SCYL3: variants seen among roughly 807,000 people sequenced by gnomAD.
SCYL3 encodes the protein SCY1 like pseudokinase 3, also known as protein-associating with the carboxyl-terminal domain of ezrin.
A neutral mutation model predicts 73.8 loss-of-function variants in SCYL3; 35 were observed. The observed-to-expected ratio is 0.47, with a 90% CI of 0.36 to 0.63. The LOEUF (loss-of-function observed/expected upper bound fraction) is 0.63, where lower values mean the gene tolerates loss of function less well. SCYL3 is among the 20% of genes least tolerant of loss of function. SCYL3 has a pLI of 0.00. For synonymous variants in SCYL3, 277 were observed against 295.2 expected, an observed-to-expected ratio of 0.94 and a Z score of 0.63; for missense variants, 712 against 798.9, an observed-to-expected ratio of 0.89 and a Z score of 1.31.
rs1205215789 is a variant in SCYL3 at position 169,888,557 on chromosome 1, A to G, written c.165+119T>C. On this transcript the variant is annotated intron_variant, in intron 2 of 12. Coordinates refer to ENST00000367771, the MANE Select transcript of SCYL3 (RefSeq NM_020423.7). ...TAAGAGCAATGTTTTGAAAGGACAT[A>G]AATAAAATACTGGTCCTTATGATCT... 7.9e-6 allele frequency: 6 copies of G among 763,328 alleles called. No individual in the cohort carries two copies. The Admixed American group carries it at 1.7e-4, about 22-fold the overall frequency. The allele number at this position is 763,328 out of a possible 1,614,324, so 47.3% of individuals were successfully genotyped here.
intron 9 of SCYL3, 35 bp from the exon 10 acceptor site, chr1:169,862,832 C>T: frequency 1.9e-6 from 3 of 1,603,200 alleles, no homozygotes; most frequent in Non-Finnish European, 2.6e-6. Flanking sequence ...GATGAAAAAA[C>T]AAATTTTCAT....
In SCYL3 at chr1:169,853,091, T is replaced by A; in HGVS notation, c.*622A>T. 1 of 1,040,316 alleles carries A rather than the reference T, an allele frequency of 9.6e-7. No homozygotes were observed. The highest frequency in any genetic ancestry group is 1.4e-6 in the Non-Finnish European group (1 of 702,142). 64.4% of individuals were successfully genotyped at this position (1,040,316 alleles called of 1,614,324 possible). A position where few individuals can be genotyped will look rare whatever the true frequency, so the allele number is the denominator to read the frequency against. On this transcript the variant is annotated 3_prime_UTR_variant, in exon 13 of 13. Transcript: ENST00000367771. ...AAAACAAATTTTGTAAAGTTGAATCTAGTGAAAATAATCTTTATTTGACAT... is the reference window on the plus strand; with the variant it reads ...AAAACAAATTTTGTAAAGTTGAATCAAGTGAAAATAATCTTTATTTGACAT...
rs552085342 is a variant in SCYL3, at chr1:169,875,332, G to A, written c.465+646C>T. Reference sequence around the variant, plus strand: ...GAAAGAGTGAATGCAGCAGCAACACGCAAAATGTGAAAAGAACACACAAAA... The same window carrying A: ...GAAAGAGTGAATGCAGCAGCAACACACAAAATGTGAAAAGAACACACAAAA... On this transcript the variant is annotated intron_variant, in intron 4 of 12. Coordinates refer to ENST00000367771, the MANE Select transcript of SCYL3 (RefSeq NM_020423.7). Among the ~76,000 whole-genome samples, 11 of 152,208 alleles carry A rather than the reference G, an allele frequency of 7.2e-5. No individual in the cohort carries two copies. The South Asian group carries it at 1.7e-3, about 23-fold the overall frequency.
chr1:169,850,995 T>TTTTG lies in SCYL3; in HGVS notation c.*2717_*2718insCAAA. On this transcript the variant is annotated 3_prime_UTR_variant, in exon 13 of 13. Transcript: ENST00000367771. ...TTAGGCATGGCTTTTTTTTTTTTTT[T>TTTTG]TTTTTTTTTTTATTTGGGCAGCCTC... 1.8e-5 allele frequency: 1 copy of TTTTG among 54,436 alleles called. No homozygotes were observed. Among genetic ancestry groups the TTTTG allele is most frequent in the Admixed American group, 2.0e-4 (1 of 5,040 alleles). 3.4% of individuals were successfully genotyped at this position (54,436 alleles called of 1,614,324 possible). A position where few individuals can be genotyped will look rare whatever the true frequency, so the allele number is the denominator to read the frequency against.
chr1:169,863,268 A>G (rs976187485), intron 9 of SCYL3, among the ~76,000 whole-genome samples: 8 of 152,246 alleles, frequency 5.3e-5, no homozygotes, highest in African/African-American at 1.9e-4. Context: ...CTTGACCGAA[A>G]ATTACTTAAC....
intron 1 of SCYL3, among the ~76,000 whole-genome samples, chr1:169,892,297 C>T (rs74122419): frequency 0.11 from 15,988 of 152,182 alleles, 919 homozygotes; most frequent in African/African-American, 0.15. Flanking sequence ...TGTTCTGTTG[C>T]TGCTGGCCTA....
Position 169,853,492 on chromosome 1 carries a change from T to TTC in SCYL3, c.*219_*220dup. On this transcript the variant is annotated 3_prime_UTR_variant, in exon 13 of 13. Coordinates refer to ENST00000367771, the MANE Select transcript of SCYL3 (RefSeq NM_020423.7). ...GCCTCAGTCAAATGCACAAAGGCTCTTCCTCCTGGAAACCAGTACTGTGAG... is the reference window on the plus strand; with the variant it reads ...GCCTCAGTCAAATGCACAAAGGCTCTTCTCCTCCTGGAAACCAGTACTGTGAG... The TTC allele has an allele frequency of 2.0e-6, 1 of 501,158 alleles. No individual in the cohort carries two copies. Among genetic ancestry groups the TTC allele is most frequent in the East Asian group, 3.2e-5 (1 of 30,944 alleles). The allele number at this position is 501,158 out of a possible 1,614,324, so 31.0% of individuals were successfully genotyped here.
At chr1:169,886,018 A>G (rs1357485732) in intron 2 of SCYL3, among the ~76,000 whole-genome samples, 1 of 152,128 alleles carries the variant, frequency 6.6e-6, no homozygotes, top group African/African-American at 2.4e-5. Flanking sequence ...AATTTCTTAA[A>G]AAGTCAACCA....
Position 169,852,854 on chromosome 1 carries a change from C to G in SCYL3, c.*859G>C. 1 of 1,614,100 alleles carries G rather than the reference C, an allele frequency of 6.2e-7. No individual in the cohort carries two copies. The highest frequency in any genetic ancestry group is 1.3e-5 in the African/African-American group (1 of 75,024). On this transcript the variant is annotated 3_prime_UTR_variant, in exon 13 of 13. Transcript: ENST00000367771. Reference sequence around the variant, plus strand: ...GAAGAGTACAGGTCAGCGCTGCATACAATAGCAGGGGCTTTGGAAGCAACT... The same window carrying G: ...GAAGAGTACAGGTCAGCGCTGCATAGAATAGCAGGGGCTTTGGAAGCAACT...
At chr1:169,857,504 G>A (rs186839977) in intron 11 of SCYL3, among the ~76,000 whole-genome samples, 67 of 152,320 alleles carry the variant, frequency 4.4e-4, no homozygotes, top group African/African-American at 1.5e-3. Flanking sequence ...AAAGATACAC[G>A]TGTAAAGATA....
At chr1:169,861,671 T>TA (rs1254892264) in intron 10 of SCYL3, among the ~76,000 whole-genome samples, 1 of 152,228 alleles carries the variant, frequency 6.6e-6, no homozygotes, top group Admixed American at 6.5e-5. Flanking sequence ...ATGTCCCACT[T>TA]ATGAGCTCCT....
chr1:169,864,562 A>G, intron 8 of SCYL3, 54 bp from the exon 9 acceptor site: 2 of 1,510,906 alleles, frequency 1.3e-6, no homozygotes, highest in Non-Finnish European at 1.8e-6. Flanking sequence ...GTATCAGCTT[A>G]CTTGTACAGT....
chr1:169,872,236 G>A (rs1301943639), intron 5 of SCYL3, among the ~76,000 whole-genome samples: 10 of 152,230 alleles, frequency 6.6e-5, no homozygotes, highest in Admixed American at 2.6e-4. Context: ...CATCTCAGCC[G>A]CTCTAGCCAT....
intron 4 of SCYL3, among the ~76,000 whole-genome samples, chr1:169,874,281 G>A (rs760733300): frequency 4.7e-4 from 72 of 152,188 alleles, no homozygotes; most frequent in Middle Eastern, 6.8e-3. Flanking sequence ...TATATGTCCC[G>A]AACATCATTT....
chr1:169,862,862 C>A, intron 9 of SCYL3, 65 bp from the exon 10 acceptor site: 1 of 1,493,520 alleles, frequency 6.7e-7, no homozygotes. Flanking sequence ...AAGTATTAAG[C>A]ATAATTCATA....
At chr1:169,855,164 T>TA (rs569970665) in intron 11 of SCYL3, among the ~76,000 whole-genome samples, 200 bp from the exon 12 acceptor site, 125 of 152,346 alleles carry the variant, frequency 8.2e-4, no homozygotes, top group African/African-American at 2.7e-3. Flanking sequence ...ACATAATACT[T>TA]ACATTATTAA....
chr1:169,892,819 A>G (rs1662177704), intron 1 of SCYL3, among the ~76,000 whole-genome samples: 1 of 152,242 alleles, frequency 6.6e-6, no homozygotes, highest in Non-Finnish European at 1.5e-5. Flanking sequence ...CGTGTGCTCT[A>G]TGGAAATGTT....
chr1:169,887,701 C>T (rs1661782734), intron 2 of SCYL3, among the ~76,000 whole-genome samples: 1 of 152,148 alleles, frequency 6.6e-6, no homozygotes, highest in African/African-American at 2.4e-5. Context: ...TTTTTACCAC[C>T]ACGCATCTCG....
chr1:169,876,693 C>T (rs556244111), intron 3 of SCYL3, among the ~76,000 whole-genome samples: 7 of 152,056 alleles, frequency 4.6e-5, no homozygotes, highest in South Asian at 4.2e-4. Context: ...CAGTGGCTCA[C>T]GCCTGTAATC....
Sources: allele counts gnomAD v4.1 joint callset (sites outside exome capture counted in the v4.1 genomes callset), GRCh38; gene constraint gnomAD v4.1.1; transcripts MANE v1.5; gene names NCBI Gene and HGNC (gene_info 2026-07-23, HGNC 2026-07-21).